KIRREL3: variants seen among roughly 807,000 people sequenced by gnomAD.
The protein encoded by KIRREL3 is kin of IRRE-like protein 3.
KIRREL3 carries 36 observed loss-of-function variants against 89.7 expected under a neutral mutation model. The observed-to-expected ratio is 0.40, with a 90% CI of 0.31 to 0.53. The LOEUF (loss-of-function observed/expected upper bound fraction) is 0.53. KIRREL3 is among the 20% of genes least tolerant of loss of function. The probability of loss-of-function intolerance (pLI) is 0.49; values close to 1 mark genes in which losing one functional copy is unlikely to be tolerated. For missense variants in KIRREL3, 864 were observed against 1,056.6 expected, an observed-to-expected ratio of 0.82 and a Z score of 2.53; for synonymous variants, 445 against 441.4, an observed-to-expected ratio of 1.01 and a Z score of -0.10.
chr11:126,704,791 A>T lies in KIRREL3; in HGVS notation c.56-141879T>A, dbSNP rs552668007. Among the ~76,000 whole-genome samples, 1 of 152,346 alleles carries T rather than the reference A, an allele frequency of 6.6e-6. No homozygotes were observed. Among genetic ancestry groups the T allele is most frequent in the Admixed American group, 6.5e-5 (1 of 15,302 alleles). On this transcript the variant is annotated intron_variant, in intron 1 of 16. Transcript: ENST00000525144. The surrounding 1 kb of genome is among the most constrained non-coding windows in gnomAD (Gnocchi z 4.2). ...AAAGGCTTGATACAGGAACCACATC[A>T]GAATTGGTGACAAAACAAGCTGGGG... is the stretch of plus-strand genomic sequence containing the variant.
intron 12 of KIRREL3, among the ~76,000 whole-genome samples, 178 bp downstream of exon 12, chr11:126,436,633 C>T (rs951831857): frequency 1.3e-5 from 2 of 152,236 alleles, no homozygotes; most frequent in African/African-American, 2.4e-5. Context: ...CTTGCTTCAG[C>T]GAGAGCCTGG....
intron 10 of KIRREL3, among the ~76,000 whole-genome samples, chr11:126,442,971 C>T (rs1955641624): frequency 1.3e-5 from 2 of 152,192 alleles, no homozygotes; most frequent in African/African-American, 4.8e-5. Flanking sequence ...TGGTCAGCGC[C>T]AGGGCCCGGG....
At chr11:126,434,952 A>C (rs1955262040) in intron 13 of KIRREL3, among the ~76,000 whole-genome samples, 1 of 152,152 alleles carries the variant, frequency 6.6e-6, no homozygotes, top group Non-Finnish European at 1.5e-5. Flanking sequence ...CTGACCCCAG[A>C]GGCCAGGAGT....
At chr11:126,726,255 C>G (rs181536086) in intron 1 of KIRREL3, among the ~76,000 whole-genome samples, 2 of 152,340 alleles carry the variant, frequency 1.3e-5, no homozygotes, top group East Asian at 3.9e-4. Context: ...AAATCCCTTA[C>G]AAATTAATGA....
chr11:126,562,712 C>T lies in KIRREL3; in HGVS notation c.133+123G>A, dbSNP rs910118992. On this transcript the variant is annotated intron_variant, in intron 2 of 16. Coordinates refer to ENST00000525144, the MANE Select transcript of KIRREL3 (RefSeq NM_032531.4). The surrounding 1 kb of genome is among the most constrained non-coding windows in gnomAD (Gnocchi z 4.7). The stretch of plus-strand genomic sequence containing the variant: ...ATGGCTTCATGGAAACCAAACTGGT[C>T]TTCCCACTGTCCCCTTCTGAGAGGT... 3.1e-5 allele frequency: 22 copies of T among 706,658 alleles called. No homozygotes were observed. In the African/African-American group the frequency reaches 3.9e-4, roughly 13 times the overall value. The allele number at this position is 706,658 out of a possible 1,614,324, so 43.8% of individuals were successfully genotyped here. A position where few individuals can be genotyped will look rare whatever the true frequency, so the allele number is the denominator to read the frequency against.
rs139752580 is a variant in KIRREL3 at position 126,518,527 on chromosome 11, A to G, written c.433+2788T>C. On this transcript the variant is annotated intron_variant, in intron 4 of 16. Coordinates refer to ENST00000525144, the MANE Select transcript of KIRREL3 (RefSeq NM_032531.4). The stretch of plus-strand genomic sequence containing the variant: ...TCTTACTTTATTTAATTAAAAATCT[A>G]TCTCAGGCAAATACAGACTAAATTA... Among the ~76,000 whole-genome samples, 433 of 152,342 alleles carry G rather than the reference A, an allele frequency of 2.8e-3. 2 individuals carry two copies. The highest frequency in any genetic ancestry group is 9.5e-3 in the African/African-American group (393 of 41,586).
intron 4 of KIRREL3, among the ~76,000 whole-genome samples, chr11:126,512,173 G>A (rs1451505295): frequency 6.6e-6 from 1 of 152,256 alleles, no homozygotes; most frequent in African/African-American, 2.4e-5. Flanking sequence ...GGCCTGACAA[G>A]GAGTGAGGGT....
chr11:126,735,032 C>T (rs1948755496), intron 1 of KIRREL3, among the ~76,000 whole-genome samples: 1 of 152,154 alleles, frequency 6.6e-6, no homozygotes. Flanking sequence ...GTTTACCCAT[C>T]CTCAGAAAGC....
Position 126,694,273 on chromosome 11 carries a change from A to G in KIRREL3, c.56-131361T>C, listed in dbSNP as rs547309763. 6.6e-6 allele frequency among the ~76,000 whole-genome samples: 1 copy of G among 152,268 alleles called. No individual in the cohort carries two copies. Among genetic ancestry groups the G allele is most frequent in the South Asian group, 2.1e-4 (1 of 4,824 alleles). On this transcript the variant is annotated intron_variant, in intron 1 of 16. Transcript: ENST00000525144. The surrounding 1 kb of genome is among the most constrained non-coding windows in gnomAD (Gnocchi z 4.4). Reference sequence around the variant, plus strand: ...TCAAACCTTGGAAATGCTCACTGCAAATGGTTGTTCTTGTTTTATTGCTTA... The same window carrying G: ...TCAAACCTTGGAAATGCTCACTGCAGATGGTTGTTCTTGTTTTATTGCTTA...
At position 126,762,043 on chromosome 11, in the gene KIRREL3, G is replaced by T. The variant is rs1260322285; in HGVS notation, c.56-199131C>A. On this transcript the variant is annotated intron_variant, in intron 1 of 16. Coordinates refer to ENST00000525144, the MANE Select transcript of KIRREL3 (RefSeq NM_032531.4). The stretch of plus-strand genomic sequence containing the variant: ...AAAATACAAAAGTTAGCTGGGGATG[G>T]TGGTGTGCAACTGGCTACCACCAGT... Among the ~76,000 whole-genome samples the T allele has an allele frequency of 2.0e-5, 3 of 152,214 alleles. No individual in the cohort carries two copies. In the South Asian group the frequency reaches 6.2e-4, roughly 32 times the overall value.
rs946498650 is a variant in KIRREL3, at chr11:126,642,687, A to G, written c.56-79775T>C. Among the ~76,000 whole-genome samples, 10 of 152,358 alleles carry G rather than the reference A, an allele frequency of 6.6e-5. No individual in the cohort carries two copies. Among genetic ancestry groups the G allele is most frequent in the African/African-American group, 1.7e-4 (7 of 41,588 alleles). On this transcript the variant is annotated intron_variant, in intron 1 of 16. Coordinates refer to ENST00000525144, the MANE Select transcript of KIRREL3 (RefSeq NM_032531.4). This position sits in a 1 kb window ranked among gnomAD's most constrained non-coding sequence, Gnocchi z 4.9. The stretch of plus-strand genomic sequence containing the variant: ...AGGAAAGTGGTTACGGCAGATTGCA[A>G]TTGTAGGAGGAATGACACAAAAGGG...
chr11:126,941,674 G>C (rs1565444146), intron 1 of KIRREL3, among the ~76,000 whole-genome samples: 1 of 152,144 alleles, frequency 6.6e-6, no homozygotes, highest in Non-Finnish European at 1.5e-5. Flanking sequence ...GATGAATAAG[G>C]ATTCCTGGAA....
chr11:126,868,706 T>A (rs1366457140), intron 1 of KIRREL3, among the ~76,000 whole-genome samples: 1 of 152,120 alleles, frequency 6.6e-6, no homozygotes, highest in Non-Finnish European at 1.5e-5. Context: ...TTTCTTATCC[T>A]CTCAGCAGCA....
Position 126,768,831 on chromosome 11 carries a change from G to T in KIRREL3, c.56-205919C>A, listed in dbSNP as rs1329980689. 1.3e-5 allele frequency among the ~76,000 whole-genome samples: 2 copies of T among 152,194 alleles called. No individual in the cohort carries two copies. The highest frequency in any genetic ancestry group is 4.8e-5 in the African/African-American group (2 of 41,448). ...GGAGGTATGGCAGGATGTCTGAGCAGTCGGCGGAGACCAGACATAGAGCTC... is the reference window on the plus strand; with the variant it reads ...GGAGGTATGGCAGGATGTCTGAGCATTCGGCGGAGACCAGACATAGAGCTC... On this transcript the variant is annotated intron_variant, in intron 1 of 16. Transcript: ENST00000525144. The surrounding 1 kb of genome is among the most constrained non-coding windows in gnomAD (Gnocchi z 4.5).
At chr11:126,466,901 C>A (rs1956742280) in intron 5 of KIRREL3, among the ~76,000 whole-genome samples, 1 of 152,204 alleles carries the variant, frequency 6.6e-6, no homozygotes, top group Non-Finnish European at 1.5e-5. Context: ...CTGTGGGAGC[C>A]ACCGCCTCCA....
intron 1 of KIRREL3, among the ~76,000 whole-genome samples, chr11:126,693,601 C>G (rs1430014598): frequency 8.4e-6 from 1 of 119,414 alleles, no homozygotes; most frequent in Non-Finnish European, 1.7e-5. Flanking sequence ...ATGTGAGTGC[C>G]TGTGACCACA....
At chr11:126,690,840 T>A (rs1946850425) in intron 1 of KIRREL3, among the ~76,000 whole-genome samples, 1 of 152,204 alleles carries the variant, frequency 6.6e-6, no homozygotes, top group Admixed American at 6.5e-5. Flanking sequence ...TTCTGTGAAA[T>A]CCTTGTCATT....
At chr11:126,950,507 A>G (rs1208645249) in intron 1 of KIRREL3, among the ~76,000 whole-genome samples, 2 of 152,208 alleles carry the variant, frequency 1.3e-5, no homozygotes, top group African/African-American at 2.4e-5. Context: ...CTAACTCATT[A>G]CTTATCTTGG....
At chr11:126,442,293 C>G (rs1955602328) in intron 10 of KIRREL3, among the ~76,000 whole-genome samples, 1 of 123,804 alleles carries the variant, frequency 8.1e-6, no homozygotes, top group Non-Finnish European at 1.7e-5. Flanking sequence ...ACAAAAAACC[C>G]AACATGCACA....
Sources: allele counts gnomAD v4.1 joint callset (sites outside exome capture counted in the v4.1 genomes callset), GRCh38; gene constraint gnomAD v4.1.1; non-coding constraint Gnocchi (gnomAD v3.1); transcripts MANE v1.5; gene names NCBI Gene and HGNC (gene_info 2026-07-23, HGNC 2026-07-21).